The following ABCB11 variants were observed in gnomAD, a reference collection of about 807,000 sequenced individuals.
ABCB11 encodes ATP binding cassette subfamily B member 11.
Under a neutral mutation model 148.0 loss-of-function variants are expected in ABCB11, and 95 were observed. That is an observed-to-expected ratio of 0.64 (90% confidence interval 0.54 to 0.76). The LOEUF (loss-of-function observed/expected upper bound fraction) is 0.76, where lower values mean the gene tolerates loss of function less well. Ranked by LOEUF, ABCB11 falls within the 30% of genes least tolerant of loss-of-function variation. The probability of loss-of-function intolerance (pLI) is 0.00; values close to 1 mark genes in which losing one functional copy is unlikely to be tolerated. For missense variants in ABCB11, 1,523 were observed against 1,617.8 expected (o/e 0.94, Z 1.01); for synonymous variants, 591 against 555.4 (o/e 1.06, Z -0.90).
At chr2:169,015,671 AC>A (rs1211399430) in intron 3 of ABCB11, among the ~76,000 whole-genome samples, 8 of 149,298 alleles carry the variant, frequency 5.4e-5, no homozygotes, top group Non-Finnish European at 8.9e-5. Flanking sequence ...TTTCAACCCC[AC>A]CCCCCACGCA....
Position 168,969,492 on chromosome 2 carries a change from T to C in ABCB11, c.1869A>G (p.Ala623=). The change falls in exon 16 of 28, where the codon GCA becomes GCG. Residue 623 remains alanine, a synonymous_variant. Transcript: ENST00000650372. ...CATGTTCAAAACCAATGATGGTATC[T>C]GCAGCTCTGACCGTAGACAAGCGAT... ...VAHRLSTVRA[A]DTIIGFEHGT... 3 of 1,612,664 alleles carry C rather than the reference T, an allele frequency of 1.9e-6. No homozygotes were observed. The highest frequency in any genetic ancestry group is 2.5e-6 in the Non-Finnish European group (3 of 1,179,238).
rs1574386628 is a variant in ABCB11 at position 168,922,453 on chromosome 2, C to T, written c.*1169G>A. ...TTTGGTCCATTCTTCTGTCTTCAGTCCCTCTGTCCCCTTGTCTCCTCCTTC... is the reference window on the plus strand; with the variant it reads ...TTTGGTCCATTCTTCTGTCTTCAGTTCCTCTGTCCCCTTGTCTCCTCCTTC... On this transcript the variant is annotated 3_prime_UTR_variant, in exon 28 of 28. Transcript: ENST00000650372. 6.6e-6 allele frequency among the ~76,000 whole-genome samples: 1 copy of T among 152,152 alleles called. No individual in the cohort carries two copies. Among genetic ancestry groups the T allele is most frequent in the African/African-American group, 2.4e-5 (1 of 41,440 alleles).
At chr2:168,947,068 T>C (rs534155121) in intron 19 of ABCB11, among the ~76,000 whole-genome samples, 2 of 151,954 alleles carry the variant, frequency 1.3e-5, no homozygotes, top group East Asian at 3.9e-4. Flanking sequence ...CTAGTTGTAG[T>C]TTTGGCACAC....
intron 5 of ABCB11, among the ~76,000 whole-genome samples, chr2:169,002,176 T>C (rs151136440): frequency 1.6e-3 from 238 of 152,266 alleles, no homozygotes; most frequent in African/African-American, 5.4e-3. Context: ...AAAATCATTT[T>C]GTAAAGATAA....
At chr2:168,932,683 G>A (rs1691628711) in intron 23 of ABCB11, 150 bp from the exon 24 acceptor site, 2 of 965,012 alleles carry the variant, frequency 2.1e-6, no homozygotes, top group Non-Finnish European at 3.0e-6. Context: ...TGGAAATGGA[G>A]AGGGTGGTGT....
At chr2:168,956,877 G>A (rs145084403) in intron 19 of ABCB11, among the ~76,000 whole-genome samples, 2 of 151,740 alleles carry the variant, frequency 1.3e-5, no homozygotes, top group East Asian at 2.0e-4. Flanking sequence ...CCATTTTGGA[G>A]CCCTGGATGT....
At chr2:169,013,838 C>T (rs1038410205) in intron 4 of ABCB11, among the ~76,000 whole-genome samples, 2 of 152,076 alleles carry the variant, frequency 1.3e-5, no homozygotes, top group African/African-American at 4.8e-5. Context: ...GTCATTGATG[C>T]CATTGCCAAG....
chr2:169,025,021 T>G lies in ABCB11; in HGVS notation c.-28+6204A>C, dbSNP rs529334150. ...ACAATTTTTGAAGTTTTAACCAAATTTTTTTTTCAAAAAAACAGAGAGACT... is the reference window on the plus strand; with the variant it reads ...ACAATTTTTGAAGTTTTAACCAAATGTTTTTTTCAAAAAAACAGAGAGACT... On this transcript the variant is annotated intron_variant, in intron 1 of 27. Transcript: ENST00000650372. 1.9e-3 allele frequency among the ~76,000 whole-genome samples: 243 copies of G among 128,766 alleles called. 1 individual carries two copies. Among genetic ancestry groups the G allele is most frequent in the African/African-American group, 5.9e-3 (222 of 37,584 alleles). The allele number at this position is 128,766 out of a possible 152,430, so 84.5% of individuals were successfully genotyped here.
chr2:169,018,090 T>G lies in ABCB11; in HGVS notation c.36A>C (p.Lys12Asn), dbSNP rs769329903. The change falls in exon 2 of 28, where the codon AAA becomes AAC. Residue 12 changes from lysine to asparagine, a missense_variant. Lys to Asn is a moderately conservative substitution (Grantham distance 94). Transcript: ENST00000650372. ...SDSVILRSIK[K>N]FGEENDGFES... is the part of the protein sequence containing the mutation. ...CAAAACCATCATTCTCCTCTCCAAATTTCTTTATACTTCGAAGAATTACTG... is the reference window on the plus strand; with the variant it reads ...CAAAACCATCATTCTCCTCTCCAAAGTTCTTTATACTTCGAAGAATTACTG... 2 of 1,613,712 alleles carry G rather than the reference T, an allele frequency of 1.2e-6. No individual in the cohort carries two copies. Among genetic ancestry groups the G allele is most frequent in the Non-Finnish European group, 1.7e-6 (2 of 1,179,712 alleles).
rs958619139 is a variant in ABCB11 at position 168,922,808 on chromosome 2, AT to A, written c.*813del. 3 of 152,178 alleles carry A rather than the reference AT, an allele frequency of 2.0e-5. No homozygotes were observed. The highest frequency in any genetic ancestry group is 7.2e-5 in the African/African-American group (3 of 41,442). The allele number at this position is 152,178 out of a possible 1,614,324, so 9.4% of individuals were successfully genotyped here. On this transcript the variant is annotated 3_prime_UTR_variant, in exon 28 of 28. Transcript: ENST00000650372. ...AAACTACAGCAAAGTAAAATGCGCT[AT>A]TTTCATTTCATGAATATAATTTCAC...
chr2:169,004,715 G>A (rs908465738), intron 5 of ABCB11, among the ~76,000 whole-genome samples: 2 of 152,022 alleles, frequency 1.3e-5, no homozygotes, highest in Admixed American at 1.3e-4. Flanking sequence ...CTGGTGAGCT[G>A]GTATGATCTT....
chr2:168,935,979 A>G (rs559516907), intron 22 of ABCB11, among the ~76,000 whole-genome samples: 1 of 152,336 alleles, frequency 6.6e-6, no homozygotes, highest in Non-Finnish European at 1.5e-5. Context: ...TCACTATGCG[A>G]GAGGAAATTG....
At chr2:169,000,234 A>G (rs1694829890) in intron 5 of ABCB11, among the ~76,000 whole-genome samples, 1 of 152,032 alleles carries the variant, frequency 6.6e-6, no homozygotes, top group South Asian at 2.1e-4. Context: ...CAAGTTGCAA[A>G]TATGTTCTCC....
chr2:168,973,870 G>A, intron 12 of ABCB11, 30 bp from the exon 13 acceptor site: 1 of 1,606,720 alleles, frequency 6.2e-7, no homozygotes, highest in Non-Finnish European at 8.5e-7. Context: ...GCAAAGTTCA[G>A]ATTGTCACTG....
rs1465356487 is a variant in ABCB11, at chr2:169,013,469, C to T, written c.192G>A (p.Val64=). 3 of 1,613,614 alleles carry T rather than the reference C, an allele frequency of 1.9e-6. No homozygotes were observed. The highest frequency in any genetic ancestry group is 1.1e-5 in the South Asian group (1 of 91,046). The change falls in exon 5 of 28, where the codon GTG becomes GTA. Residue 64 remains valine, a synonymous_variant. Coordinates refer to ENST00000650372, the MANE Select transcript of ABCB11 (RefSeq NM_003742.4). ...SSSTDIWLMF[V]GSLCAFLHGI... is the part of the protein sequence containing the mutation. ...CATGGAGAAATGCACACAAACTTCC[C>T]ACAAACATCAGCCAAATGTCAGTTG...
chr2:168,966,865 G>A (rs903421313), intron 17 of ABCB11, among the ~76,000 whole-genome samples: 6 of 105,058 alleles, frequency 5.7e-5, no homozygotes, highest in East Asian at 5.7e-4. Context: ...TGTGTAGATC[G>A]TATTTCTGGA....
intron 5 of ABCB11, among the ~76,000 whole-genome samples, chr2:168,997,275 T>G (rs1312454710): frequency 1.3e-5 from 2 of 152,100 alleles, no homozygotes; most frequent in African/African-American, 4.8e-5. Context: ...AAAATGTGCC[T>G]GTTATCTTCC....
chr2:168,942,821 T>C (rs1287220164), intron 21 of ABCB11, among the ~76,000 whole-genome samples: 3 of 151,922 alleles, frequency 2.0e-5, no homozygotes, highest in African/African-American at 7.2e-5. Flanking sequence ...AATTGATCAA[T>C]TCAGACTAGA....
intron 5 of ABCB11, among the ~76,000 whole-genome samples, chr2:169,007,010 T>A (rs1325033073): frequency 2.0e-5 from 3 of 152,200 alleles, no homozygotes; most frequent in Non-Finnish European, 4.4e-5. Flanking sequence ...CTAGCTGACT[T>A]CTTTGCAGAA....
Sources: gnomAD v4.1 joint callset for allele counts (sites outside exome capture counted in the v4.1 genomes callset) on GRCh38, gnomAD v4.1.1 for gene constraint, MANE v1.5 for transcripts, NCBI Gene and HGNC (gene_info 2026-07-23, HGNC 2026-07-21) for gene names.